IFT56: variants seen among roughly 807,000 people sequenced by gnomAD.
IFT56 encodes intraflagellar transport protein 56.
At chr7:139,182,994 A>C in the IFT56 span, among the ~76,000 whole-genome samples, 1 of 152,146 alleles carries the variant, frequency 6.6e-6, no homozygotes, top group African/African-American at 2.4e-5. Flanking sequence ...TGATATTAAA[A>C]ATAAGAAGGA....
the IFT56 span, among the ~76,000 whole-genome samples, chr7:139,179,293 G>A: frequency 1.3e-5 from 2 of 152,222 alleles, no homozygotes; most frequent in African/African-American, 4.8e-5. Flanking sequence ...CCTGTGTGTA[G>A]CATGGTCATA....
At chr7:139,141,334 G>A in the IFT56 span, among the ~76,000 whole-genome samples, 1 of 151,446 alleles carries the variant, frequency 6.6e-6, no homozygotes, top group Non-Finnish European at 1.5e-5. Flanking sequence ...TGTGAGCATC[G>A]TATGCTATAG....
chr7:139,188,354 G>A, the IFT56 span, among the ~76,000 whole-genome samples: 1 of 151,972 alleles, frequency 6.6e-6, no homozygotes, highest in Non-Finnish European at 1.5e-5. Context: ...TTCCACCTCA[G>A]CCTCCCAAAG....
At chr7:139,147,825 C>T in the IFT56 span, among the ~76,000 whole-genome samples, 1 of 152,152 alleles carries the variant, frequency 6.6e-6, no homozygotes, top group Admixed American at 6.5e-5. Flanking sequence ...ATCTCATCCC[C>T]CTTCTTTCCA....
chr7:139,140,035 AT>A, the IFT56 span: 3 of 1,362,018 alleles, frequency 2.2e-6, no homozygotes. Context: ...GATATTCTTC[AT>A]TCATAGTTAA....
the IFT56 span, chr7:139,146,976 C>A: frequency 1.7e-3 from 2,642 of 1,521,352 alleles, 25 homozygotes; most frequent in African/African-American, 0.028. Flanking sequence ...TCCATTGTTT[C>A]TTTGCAGGAG....
At chr7:139,156,904 GT>G in the IFT56 span, among the ~76,000 whole-genome samples, 1 of 152,144 alleles carries the variant, frequency 6.6e-6, no homozygotes, top group African/African-American at 2.4e-5. Context: ...GGTCTAGCAA[GT>G]TTTGCCATCT....
the IFT56 span, among the ~76,000 whole-genome samples, chr7:139,157,457 G>A: frequency 6.9e-6 from 1 of 143,910 alleles, no homozygotes; most frequent in Non-Finnish European, 1.5e-5. Context: ...AGACCTTTAA[G>A]TTCTTTTAGT....
the IFT56 span, among the ~76,000 whole-genome samples, chr7:139,185,864 A>T: frequency 6.6e-6 from 1 of 151,760 alleles, no homozygotes; most frequent in African/African-American, 2.4e-5. Context: ...CCTTGAAAAT[A>T]AAAAAAAATC....
the IFT56 span, chr7:139,169,378 T>C: frequency 6.3e-7 from 1 of 1,599,928 alleles, no homozygotes; most frequent in South Asian, 1.1e-5. Context: ...GTACTTATGA[T>C]CTGCTTCATA....
the IFT56 span, among the ~76,000 whole-genome samples, chr7:139,144,688 T>C: frequency 6.6e-6 from 1 of 152,118 alleles, no homozygotes; most frequent in Non-Finnish European, 1.5e-5. Context: ...AAATTTATTT[T>C]ACTAATCATC....
chr7:139,148,484 C>A, the IFT56 span: 11 of 1,028,118 alleles, frequency 1.1e-5, no homozygotes, highest in Non-Finnish European at 1.6e-5. Context: ...GATTAATATC[C>A]CTTTATCATT....
the IFT56 span, among the ~76,000 whole-genome samples, chr7:139,140,586 C>A: frequency 1.3e-5 from 2 of 151,748 alleles, no homozygotes; most frequent in Non-Finnish European, 2.9e-5. Flanking sequence ...TCGAGACCTG[C>A]CTGACCAACA....
the IFT56 span, chr7:139,172,936 A>T: frequency 4.2e-6 from 3 of 722,640 alleles, no homozygotes; most frequent in Non-Finnish European, 7.9e-6. Context: ...CAGCTTGGTT[A>T]TACTGGCGGA....
At chr7:139,165,264 C>A in the IFT56 span, 1 of 1,486,938 alleles carries the variant, frequency 6.7e-7, no homozygotes, top group South Asian at 1.2e-5. Context: ...GTCTTACTTA[C>A]AATGAGATAT....
At chr7:139,186,154 G>A in the IFT56 span, among the ~76,000 whole-genome samples, 5 of 152,160 alleles carry the variant, frequency 3.3e-5, no homozygotes, top group Admixed American at 1.3e-4. Flanking sequence ...CTGGCCAGGC[G>A]CGGTGGCTCA....
At chr7:139,145,198 TGGTG>T in the IFT56 span, among the ~76,000 whole-genome samples, 2 of 152,066 alleles carry the variant, frequency 1.3e-5, no homozygotes, top group East Asian at 3.9e-4. Flanking sequence ...ACTGATAGCT[TGGTG>T]GGCCCCAATC....
the IFT56 span, among the ~76,000 whole-genome samples, chr7:139,148,636 T>C: frequency 6.6e-6 from 1 of 152,224 alleles, no homozygotes; most frequent in Admixed American, 6.5e-5. Flanking sequence ...CAAATGCTTA[T>C]GTTTAAAACC....
chr7:139,147,052 AG>A, the IFT56 span: 1 of 1,575,698 alleles, frequency 6.3e-7, no homozygotes, highest in Non-Finnish European at 8.6e-7. Context: ...TGGCTAAAGA[AG>A]GAAGAGTTAA....
Sources: gnomAD v4.1 joint callset for allele counts (sites outside exome capture counted in the v4.1 genomes callset) on GRCh38, gnomAD v4.1.1 for gene constraint, MANE v1.5 for transcripts, NCBI Gene and HGNC (gene_info 2026-07-23, HGNC 2026-07-21) for gene names.